THAP8: variants seen among roughly 807,000 people sequenced by gnomAD.
THAP8 encodes the protein THAP domain containing 8, also known as THAP domain-containing protein 8.
In THAP8, 24 loss-of-function variants were observed where a neutral mutation model predicts 25.0. The ratio of observed to expected loss-of-function variants is 0.96; its 90% CI spans 0.69 to 1.35. The LOEUF (loss-of-function observed/expected upper bound fraction) is 1.35, where lower values mean the gene tolerates loss of function less well. Among genes scored for constraint, THAP8 ranks in the 40% most tolerant of loss-of-function variants. The probability of loss-of-function intolerance (pLI) is 0.00; values close to 1 mark genes in which losing one functional copy is unlikely to be tolerated. For synonymous variants in THAP8, 169 were observed against 157.6 expected, an observed-to-expected ratio of 1.07 and a Z score of -0.54; for missense variants, 399 against 368.8, an observed-to-expected ratio of 1.08 and a Z score of -0.67.
At chr19:36,048,135 G>C (rs971886774) in intron 1 of THAP8, among the ~76,000 whole-genome samples, 1 of 152,066 alleles carries the variant, frequency 6.6e-6, no homozygotes, top group African/African-American at 2.4e-5. Context: ...TCCTCCTCCT[G>C]CAAGACCAGC....
chr19:36,038,508 C>T (rs2145429682), intron 3 of THAP8, among the ~76,000 whole-genome samples: 1 of 152,290 alleles, frequency 6.6e-6, no homozygotes, highest in Non-Finnish European at 1.5e-5. Context: ...CCACCTTGGC[C>T]TCCCAAAGTG....
chr19:36,046,641 G>A (rs1293587652), intron 1 of THAP8, among the ~76,000 whole-genome samples: 4 of 152,138 alleles, frequency 2.6e-5, no homozygotes, highest in Non-Finnish European at 5.9e-5. Flanking sequence ...AGATCCCAAT[G>A]TTCTCAGCAG....
At chr19:36,037,537 A>G (rs943855780) in intron 3 of THAP8, among the ~76,000 whole-genome samples, 5 of 152,116 alleles carry the variant, frequency 3.3e-5, no homozygotes, top group African/African-American at 1.2e-4. Context: ...GCCCTGAAAC[A>G]TGTTGGCTGC....
Position 36,039,552 on chromosome 19 carries a change from A to G in THAP8, c.443T>C (p.Leu148Pro), listed in dbSNP as rs772137578. The change falls in exon 3 of 4, where the codon CTG (leucine) becomes CCG (proline). Residue 148 changes from leucine (L) to proline (P), a missense_variant. Coordinates refer to ENST00000292894, the MANE Select transcript of THAP8 (RefSeq NM_152658.3). The part of the protein sequence containing the change: ...GSPKTVATML[L>P]TPLAPAPTPE... ...AGTTGGCGCAGGGGCCAGGGGGGTC[A>G]GGAGCATGGTGGCCACAGTCTTGGG... 3.5e-5 allele frequency: 54 copies of G among 1,528,072 alleles called. No individual in the cohort carries two copies. Among genetic ancestry groups the G allele is most frequent in the Non-Finnish European group, 4.7e-5 (53 of 1,133,444 alleles). 94.7% of individuals were successfully genotyped at this position (1,528,072 alleles called of 1,614,324 possible). A position where few individuals can be genotyped will look rare whatever the true frequency, so the allele number is the denominator to read the frequency against.
chr19:36,039,413 G>A lies in THAP8; in HGVS notation c.582C>T (p.His194=). 6.4e-7 allele frequency: 1 copy of A among 1,563,314 alleles called. No individual in the cohort carries two copies. The highest frequency in any genetic ancestry group is 1.4e-5 in the African/African-American group (1 of 73,748). Residue 194 remains histidine, a synonymous_variant, in exon 3 of 4, where the codon CAC becomes CAT. Transcript: ENST00000292894. ...VRRLQRCQER[H]QAQLQALERL... is the part of the protein sequence containing the mutation. ...GTTCCAGGGCCTGCAGCTGCGCCTG[G>A]TGCCGCTCCTGGCACCGTTGCAGCC...
chr19:36,037,195 C>T (rs1049984295), intron 3 of THAP8, among the ~76,000 whole-genome samples: 3 of 151,356 alleles, frequency 2.0e-5, no homozygotes, highest in Non-Finnish European at 2.9e-5. Context: ...CTTCCTCCCC[C>T]GCCACCCCAC....
Position 36,052,025 on chromosome 19 carries a change from T to TG in THAP8, c.83+2109_83+2110insC, listed in dbSNP as rs200236218. ...AGATCTAGGTTGCCCTCCATTTTTTTTTTGTTTGTTTGTTTTTTGGGTTTT... is the reference window on the plus strand; with the variant it reads ...AGATCTAGGTTGCCCTCCATTTTTTTGTTTGTTTGTTTGTTTTTTGGGTTTT... On this transcript the variant is annotated intron_variant, in intron 1 of 3. Transcript: ENST00000292894. 4.1e-4 allele frequency among the ~76,000 whole-genome samples: 62 copies of TG among 152,038 alleles called. 2 individuals carry two copies. The East Asian group carries it at 0.012, about 29-fold the overall frequency.
chr19:36,053,988 T>A, intron 1 of THAP8, 147 bp downstream of exon 1: 3 of 772,070 alleles, frequency 3.9e-6, no homozygotes, highest in Non-Finnish European at 6.2e-6. Context: ...CAATGGACAC[T>A]GCCAGGAAGG....
At position 36,045,791 on chromosome 19, in the gene THAP8, G is replaced by A. The variant is rs950914216; in HGVS notation, c.84-5655C>T. On this transcript the variant is annotated intron_variant, in intron 1 of 3. Coordinates refer to ENST00000292894, the MANE Select transcript of THAP8 (RefSeq NM_152658.3). ...GCCAAGCACTGCCTGCAGCCACCAG[G>A]AACCGGAACAGGCAAAGAAGAGATT... 13 of 456,514 alleles carry A rather than the reference G, an allele frequency of 2.8e-5. 1 individual carries two copies. The highest frequency in any genetic ancestry group is 1.0e-4 in the African/African-American group (5 of 50,036). The allele number at this position is 456,514 out of a possible 1,614,324, so 28.3% of individuals were successfully genotyped here.
intron 3 of THAP8, among the ~76,000 whole-genome samples, chr19:36,036,698 T>C (rs1031460185): frequency 6.6e-6 from 1 of 152,098 alleles, no homozygotes; most frequent in East Asian, 1.9e-4. Context: ...CCCAGCACTA[T>C]AGGAGGCCGA....
intron 3 of THAP8, among the ~76,000 whole-genome samples, chr19:36,035,865 C>G (rs141734167): frequency 2.0e-5 from 3 of 151,378 alleles, no homozygotes; most frequent in African/African-American, 7.3e-5. Context: ...GGCAGACAGA[C>G]GTACAGACAG....
At chr19:36,046,464 TG>T (rs1568554099) in intron 1 of THAP8, among the ~76,000 whole-genome samples, 1 of 151,914 alleles carries the variant, frequency 6.6e-6, no homozygotes, top group Non-Finnish European at 1.5e-5. Context: ...TGAACGGAGA[TG>T]GGGAGAGCCA....
chr19:36,037,257 C>CAT (rs1969494620), intron 3 of THAP8, among the ~76,000 whole-genome samples: 2 of 77,230 alleles, frequency 2.6e-5, no homozygotes, highest in Admixed American at 2.5e-4. Context: ...CACACACACA[C>CAT]ACACACACAC....
intron 1 of THAP8, among the ~76,000 whole-genome samples, chr19:36,051,804 T>A (rs570392283): frequency 6.6e-6 from 1 of 152,178 alleles, no homozygotes; most frequent in East Asian, 1.9e-4. Flanking sequence ...CGGGTACCAG[T>A]CTATGGCCTG....
chr19:36,040,092 T>C lies in THAP8; in HGVS notation c.128A>G (p.His43Arg), dbSNP rs1318093945. Residue 43 changes from histidine (H) to arginine (R), a missense_variant, in exon 2 of 4, where the codon CAC (histidine) becomes CGC (arginine). His to Arg is a conservative substitution (Grantham distance 29, BLOSUM62 0). Coordinates refer to ENST00000292894, the MANE Select transcript of THAP8 (RefSeq NM_152658.3). ...DGPRLQAWLQHMGCEHWVPSC... is the reference protein window; with the variant it reads ...DGPRLQAWLQRMGCEHWVPSC... ...GGGCACCCAGTGCTCACAGCCCATG[T>C]GCTGCAGCCAGGCCTGCAGCCGGGG... The C allele has an allele frequency of 6.2e-7, 1 of 1,612,892 alleles. No homozygotes were observed. The highest frequency in any genetic ancestry group is 1.7e-5 in the Admixed American group (1 of 59,986).
At chr19:36,047,105 G>A (rs1401699327) in intron 1 of THAP8, among the ~76,000 whole-genome samples, 1 of 152,196 alleles carries the variant, frequency 6.6e-6, no homozygotes, top group Non-Finnish European at 1.5e-5. Flanking sequence ...GTTCCCCTTT[G>A]TATGCAGTCA....
rs1231477169 is a variant in THAP8, at chr19:36,039,782, TGGAG to T, written c.277-68_277-65del. On this transcript the variant is annotated intron_variant, in intron 2 of 3. Transcript: ENST00000292894. ...AGACTTCGACTCAGGAGGAAAGGGA[TGGAG>T]GGTCTGTTTCCAAGGGGGACTTGCC... 4 of 1,492,174 alleles carry T rather than the reference TGGAG, an allele frequency of 2.7e-6. No individual in the cohort carries two copies. The African/African-American group carries it at 5.6e-5, about 21-fold the overall frequency. The allele number at this position is 1,492,174 out of a possible 1,614,324, so 92.4% of individuals were successfully genotyped here.
chr19:36,046,328 C>T (rs1380789725), intron 1 of THAP8, among the ~76,000 whole-genome samples: 1 of 152,214 alleles, frequency 6.6e-6, no homozygotes, highest in African/African-American at 2.4e-5. Flanking sequence ...GTCCATTAAA[C>T]CTCTTTCCTT....
At chr19:36,042,294 C>A (rs4805154) in intron 1 of THAP8, among the ~76,000 whole-genome samples, 1 of 151,464 alleles carries the variant, frequency 6.6e-6, no homozygotes, top group Non-Finnish European at 1.5e-5. Context: ...CAAAAGAACA[C>A]AAAACAGGGT....
Sources: allele counts gnomAD v4.1 joint callset (sites outside exome capture counted in the v4.1 genomes callset), GRCh38; gene constraint gnomAD v4.1.1; transcripts MANE v1.5; gene names NCBI Gene and HGNC (gene_info 2026-07-23, HGNC 2026-07-21).